The following RCN3 variants were observed in gnomAD, a reference collection of about 807,000 sequenced individuals.
RCN3 encodes reticulocalbin 3.
In RCN3, 41 loss-of-function variants were observed where a neutral mutation model predicts 35.9. The observed-to-expected ratio is 1.14, with a 90% CI of 0.89 to 1.48. The LOEUF (loss-of-function observed/expected upper bound fraction) is 1.48, where lower values mean the gene tolerates loss of function less well. Among genes scored for constraint, RCN3 ranks in the 40% most tolerant of loss-of-function variants. The pLI, the probability that RCN3 is intolerant of heterozygous loss-of-function variation, is 0.00. For synonymous variants in RCN3, 187 were observed against 193.4 expected, an observed-to-expected ratio of 0.97 and a Z score of 0.27; for missense variants, 451 against 471.3, an observed-to-expected ratio of 0.96 and a Z score of 0.40.
At chr19:49,530,887 C>G (rs2080105645) in intron 2 of RCN3, among the ~76,000 whole-genome samples, 1 of 152,162 alleles carries the variant, frequency 6.6e-6, no homozygotes, top group Non-Finnish European at 1.5e-5. Context: ...GAGTGAATAG[C>G]ATTCCAGGCA....
intron 3 of RCN3, 105 bp downstream of exon 3, chr19:49,534,500 C>G: frequency 1.7e-6 from 2 of 1,186,476 alleles, no homozygotes; most frequent in Non-Finnish European, 2.3e-6. Context: ...GTCCCTGGCC[C>G]CTAACCAGGC....
At chr19:49,539,080 G>A in intron 4 of RCN3, 39 bp from the exon 5 acceptor site, 1 of 1,518,058 alleles carries the variant, frequency 6.6e-7, no homozygotes, top group Non-Finnish European at 8.9e-7. Flanking sequence ...AGGAGCCAGG[G>A]TCATCGGCCC....
intron 5 of RCN3, 109 bp downstream of exon 5, chr19:49,539,288 T>C: frequency 2.4e-6 from 2 of 821,908 alleles, no homozygotes; most frequent in Non-Finnish European, 3.8e-6. Flanking sequence ...ACAGTGGCCC[T>C]CAGACATGGG....
At chr19:49,531,178 G>GC (rs1206266132) in intron 2 of RCN3, among the ~76,000 whole-genome samples, 3 of 152,210 alleles carry the variant, frequency 2.0e-5, no homozygotes, top group African/African-American at 7.2e-5. Context: ...AATTAGCCCA[G>GC]CATGGTGGCG....
intron 5 of RCN3, among the ~76,000 whole-genome samples, chr19:49,541,543 G>A (rs922097155): frequency 2.0e-5 from 3 of 152,144 alleles, no homozygotes; most frequent in African/African-American, 4.8e-5. Context: ...GAGGTCAAGA[G>A]TTCAAGACCA....
At chr19:49,538,570 C>A (rs1025949247) in intron 4 of RCN3, among the ~76,000 whole-genome samples, 5 of 152,104 alleles carry the variant, frequency 3.3e-5, no homozygotes, top group Admixed American at 2.6e-4. Context: ...CCTCGGCCTC[C>A]CAAAGTGCTG....
At chr19:49,533,818 AGTGCGACGCC>A (rs1466043548) in intron 2 of RCN3, among the ~76,000 whole-genome samples, 3 of 152,102 alleles carry the variant, frequency 2.0e-5, no homozygotes, top group African/African-American at 7.2e-5. Context: ...CAAGGGTCAC[AGTGCGACGCC>A]GCGCTCCCCT....
chr19:49,536,357 A>G lies in RCN3; in HGVS notation c.446-676A>G, dbSNP rs1323229986. On this transcript the variant is annotated intron_variant, in intron 3 of 6. Coordinates refer to ENST00000270645, the MANE Select transcript of RCN3 (RefSeq NM_020650.3). ...CTCTTGTTGGCCAGGCTGCAGTGCAATGGCAAGGTCTCGGCTTACTACAAC... is the reference window on the plus strand; with the variant it reads ...CTCTTGTTGGCCAGGCTGCAGTGCAGTGGCAAGGTCTCGGCTTACTACAAC... Among the ~76,000 whole-genome samples, 5 of 134,004 alleles carry G rather than the reference A, an allele frequency of 3.7e-5. 1 individual carries two copies. Among genetic ancestry groups the G allele is most frequent in the Non-Finnish European group, 6.3e-5 (4 of 63,498 alleles). 87.9% of individuals were successfully genotyped at this position (134,004 alleles called of 152,430 possible).
Position 49,539,191 on chromosome 19 carries a change from C to G in RCN3, c.679+12C>G, listed in dbSNP as rs1026918088. 6.9e-6 allele frequency: 11 copies of G among 1,605,642 alleles called. No individual in the cohort carries two copies. Among genetic ancestry groups the G allele is most frequent in the Non-Finnish European group, 7.7e-6 (9 of 1,176,240 alleles). On this transcript the variant is annotated intron_variant, in intron 5 of 6. Transcript: ENST00000270645. The stretch of plus-strand genomic sequence containing the variant: ...GGAGGAGTACATCGGTGAGTGGGCC[C>G]CAATTTCTTCTTGGGATGCCTGTCC...
intron 5 of RCN3, 85 bp downstream of exon 5, chr19:49,539,264 C>T: frequency 3.6e-6 from 4 of 1,096,114 alleles, no homozygotes; most frequent in Non-Finnish European, 4.0e-6. Context: ...AGGTACATCA[C>T]CCATCATCAG....
chr19:49,533,287 A>C (rs1568709144), intron 2 of RCN3, among the ~76,000 whole-genome samples: 1 of 152,134 alleles, frequency 6.6e-6, no homozygotes, highest in Non-Finnish European at 1.5e-5. Flanking sequence ...TGACTCAGGC[A>C]GGCCTGGAGA....
In RCN3 at chr19:49,534,238, G is replaced by T; in HGVS notation, c.288G>T (p.Trp96Cys). ...ACCGCGCGGGGGACGGCGACGGCTG[G>T]GTGTCGCTGGCCGAGCTTCGCGCGT... ...RMDRAGDGDG[W>C]VSLAELRAWI... Residue 96 changes from tryptophan to cysteine, a missense_variant, in exon 3 of 7, where the codon TGG becomes TGT. By Grantham distance (215) the Trp-to-Cys change is radical. Transcript: ENST00000270645. 2.7e-6 allele frequency: 4 copies of T among 1,474,706 alleles called. No homozygotes were observed. Among genetic ancestry groups the T allele is most frequent in the Non-Finnish European group, 3.6e-6 (4 of 1,118,050 alleles). 91.4% of individuals were successfully genotyped at this position (1,474,706 alleles called of 1,614,324 possible).
At chr19:49,542,969 C>G (rs546950140) in intron 6 of RCN3, 137 bp from the exon 7 acceptor site, 2 of 846,536 alleles carry the variant, frequency 2.4e-6, no homozygotes, top group East Asian at 2.7e-5. Context: ...GGGACCAAGA[C>G]GGGGACAGAT....
At chr19:49,535,406 TTCTC>T (rs1265417188) in intron 3 of RCN3, among the ~76,000 whole-genome samples, 1 of 152,222 alleles carries the variant, frequency 6.6e-6, no homozygotes, top group Non-Finnish European at 1.5e-5. Context: ...CAGTTATTTC[TTCTC>T]TCTGAGAATC....
rs536700172 is a variant in RCN3 at position 49,536,969 on chromosome 19, T to C, written c.446-64T>C. The stretch of plus-strand genomic sequence containing the variant: ...ACCCCAGTAGGATTTACTTTGTCTT[T>C]GTTTTAACCTGCTTGGCGTTTCCTC... On this transcript the variant is annotated intron_variant, in intron 3 of 6. Coordinates refer to ENST00000270645, the MANE Select transcript of RCN3 (RefSeq NM_020650.3). 23 of 1,394,112 alleles carry C rather than the reference T, an allele frequency of 1.6e-5. No individual in the cohort carries two copies. The East Asian group carries it at 5.8e-4, about 35-fold the overall frequency. The allele number at this position is 1,394,112 out of a possible 1,614,324, so 86.4% of individuals were successfully genotyped here. A position where few individuals can be genotyped will look rare whatever the true frequency, so the allele number is the denominator to read the frequency against.
At chr19:49,532,252 C>A (rs1275302903) in intron 2 of RCN3, among the ~76,000 whole-genome samples, 3 of 137,248 alleles carry the variant, frequency 2.2e-5, no homozygotes, top group Non-Finnish European at 4.7e-5. Context: ...ACTACAGGCA[C>A]CTGCCACCAC....
At position 49,542,428 on chromosome 19, in the gene RCN3, C is replaced by CGA. The variant is rs967524534; in HGVS notation, c.680-117_680-116dup. 3 of 628,204 alleles carry CGA rather than the reference C, an allele frequency of 4.8e-6. No homozygotes were observed. The South Asian group carries it at 6.2e-5, about 13-fold the overall frequency. The allele number at this position is 628,204 out of a possible 1,614,324, so 38.9% of individuals were successfully genotyped here. On this transcript the variant is annotated intron_variant, in intron 5 of 6. Transcript: ENST00000270645. The stretch of plus-strand genomic sequence containing the variant: ...ATCGAAACAGAAGAGGACGCTGAGG[C>CGA]GAGAGAGAGGGTAGTGAGTTGCTCA...
chr19:49,528,588 C>T lies in RCN3; in HGVS notation c.116C>T (p.Pro39Leu), dbSNP rs1370716238. The change falls in exon 2 of 7, where the codon CCC (proline) becomes CTC (leucine). Residue 39 changes from proline (P) to leucine (L), a missense_variant. Physicochemically the swap from Pro to Leu is moderately conservative, Grantham distance 98. Coordinates refer to ENST00000270645, the MANE Select transcript of RCN3 (RefSeq NM_020650.3). ...HGQGRVHQAA[P>L]LSDAPHDDAH... ...CAGGGGAGGGTGCACCAGGCGGCCCCCCTGAGCGACGCTCCCCATGATGAC... is the reference window on the plus strand; with the variant it reads ...CAGGGGAGGGTGCACCAGGCGGCCCTCCTGAGCGACGCTCCCCATGATGAC... 7 of 1,609,904 alleles carry T rather than the reference C, an allele frequency of 4.3e-6. No individual in the cohort carries two copies. The highest frequency in any genetic ancestry group is 4.0e-5 in the African/African-American group (3 of 74,594).
chr19:49,539,106 CT>C lies in RCN3; in HGVS notation c.619-10del. The C allele has an allele frequency of 1.3e-6, 2 of 1,591,572 alleles. No individual in the cohort carries two copies. Among genetic ancestry groups the C allele is most frequent in the Non-Finnish European group, 1.7e-6 (2 of 1,170,892 alleles). ...TCATCGGCCCCCAGCCTCAATGCCCCTTTCTCCTCCAGGAAACCCTGGAGGA... is the reference window on the plus strand; with the variant it reads ...TCATCGGCCCCCAGCCTCAATGCCCCTTCTCCTCCAGGAAACCCTGGAGGA... On this transcript the variant is annotated splice_polypyrimidine_tract_variant and intron_variant, in intron 4 of 6. Coordinates refer to ENST00000270645, the MANE Select transcript of RCN3 (RefSeq NM_020650.3).
Sources: gnomAD v4.1 joint callset for allele counts (sites outside exome capture counted in the v4.1 genomes callset) on GRCh38, gnomAD v4.1.1 for gene constraint, MANE v1.5 for transcripts, NCBI Gene and HGNC (gene_info 2026-07-23, HGNC 2026-07-21) for gene names.